Variants in TBC1D9B observed in about 807,000 individuals in gnomAD.
TBC1D9B encodes TBC1 domain family member 9B, also known as TBC1 domain family, member 9B (with GRAM domain).
In TBC1D9B, 87 loss-of-function variants were observed where a neutral mutation model predicts 121.1. That is an observed-to-expected ratio of 0.72 (90% CI 0.60 to 0.86). TBC1D9B has a LOEUF of 0.86. Among genes scored for constraint, TBC1D9B ranks in the 40% least tolerant of loss-of-function variants. TBC1D9B has a pLI of 0.00. For missense variants in TBC1D9B, 1,540 were observed against 1,628.6 expected (o/e 0.95, Z 0.94); for synonymous variants, 668 against 670.1 (o/e 1.00, Z 0.05).
chr5:179,868,078 C>A (rs1486349525), intron 17 of TBC1D9B: 1 of 383,364 alleles, frequency 2.6e-6, no homozygotes, highest in Non-Finnish European at 4.7e-6. Flanking sequence ...CACTTTATCA[C>A]CCATGCTGCA....
At chr5:179,900,310 A>G (rs561117334) in intron 2 of TBC1D9B, among the ~76,000 whole-genome samples, 1 of 152,306 alleles carries the variant, frequency 6.6e-6, no homozygotes, top group South Asian at 2.1e-4. Flanking sequence ...GCCCCGGGGG[A>G]AGAGCAAAGG....
intron 1 of TBC1D9B, among the ~76,000 whole-genome samples, chr5:179,905,979 A>G (rs1761299259): frequency 6.6e-6 from 1 of 152,212 alleles, no homozygotes. Context: ...TCCTGGGTTC[A>G]AGCGATTCTC....
At chr5:179,876,060 G>A (rs1760352622) in intron 10 of TBC1D9B, 23 bp from the exon 11 acceptor site, 2 of 1,605,156 alleles carry the variant, frequency 1.2e-6, no homozygotes, top group Admixed American at 1.7e-5. Context: ...GAGACAGCCG[G>A]GGAAGGCTTG....
intron 4 of TBC1D9B, 46 bp downstream of exon 4, chr5:179,894,340 G>A (rs1760956790): frequency 6.5e-7 from 1 of 1,538,762 alleles, no homozygotes; most frequent in Non-Finnish European, 8.8e-7. Flanking sequence ...AAGGCAGGGA[G>A]GGGCTGAGGG....
chr5:179,906,503 G>A, intron 1 of TBC1D9B, among the ~76,000 whole-genome samples: 1 of 151,222 alleles, frequency 6.6e-6, no homozygotes, highest in African/African-American at 2.5e-5. Context: ...ACACTGGCGC[G>A]CTGATGACAC....
At chr5:179,878,062 G>A (rs1166201704) in intron 10 of TBC1D9B, among the ~76,000 whole-genome samples, 1 of 152,220 alleles carries the variant, frequency 6.6e-6, no homozygotes, top group Non-Finnish European at 1.5e-5. Context: ...GTATGTGCCT[G>A]TTTCACCAAA....
At chr5:179,876,568 T>C (rs1175469770) in intron 10 of TBC1D9B, among the ~76,000 whole-genome samples, 1 of 152,192 alleles carries the variant, frequency 6.6e-6, no homozygotes, top group Admixed American at 6.5e-5. Flanking sequence ...CCATATGACT[T>C]GGCCAGGAAA....
rs1452587604 is a variant in TBC1D9B, at chr5:179,870,287, A to G, written c.2693T>C (p.Leu898Pro). ...TGTCACGAACTCCTTGAAGTTGATC[A>G]GCGAGTCCTTGTTTTCGTCCAGGAG... ...FRLLDENKDS[L>P]INFKEFVTGM... The change falls in exon 16 of 21, where the codon CTG becomes CCG. Residue 898 changes from leucine (L) to proline (P), a missense_variant. By Grantham distance (98) the Leu-to-Pro change is moderately conservative (BLOSUM62 -3). Transcript: ENST00000355235. 1.2e-6 allele frequency: 2 copies of G among 1,613,902 alleles called. No homozygotes were observed. Among genetic ancestry groups the G allele is most frequent in the Non-Finnish European group, 1.7e-6 (2 of 1,180,020 alleles).
At chr5:179,889,716 T>TA (rs1430085112) in intron 6 of TBC1D9B, among the ~76,000 whole-genome samples, 14 of 150,076 alleles carry the variant, frequency 9.3e-5, no homozygotes, top group South Asian at 2.1e-4. Flanking sequence ...TGTTAAAAAT[T>TA]TAAAAAAAAC....
chr5:179,880,592 T>G (rs1179022477), intron 7 of TBC1D9B, among the ~76,000 whole-genome samples: 1 of 152,222 alleles, frequency 6.6e-6, no homozygotes, highest in African/African-American at 2.4e-5. Context: ...ATTCTGTGTT[T>G]TTTTGAGAGA....
intron 10 of TBC1D9B, among the ~76,000 whole-genome samples, 185 bp downstream of exon 10, chr5:179,878,124 C>T (rs1013490539): frequency 1.3e-5 from 2 of 152,238 alleles, no homozygotes; most frequent in Admixed American, 6.5e-5. Flanking sequence ...ACAAAGACGA[C>T]GACTTCTATT....
Position 179,885,777 on chromosome 5 carries a change from G to A in TBC1D9B, c.1254+2326C>T, listed in dbSNP as rs1247578318. ...CCTCTAATCCACTGTCAACATGGAC[G>A]GCCACAGTAACCCCATTAACACGTA... On this transcript the variant is annotated intron_variant, in intron 7 of 20. Transcript: ENST00000355235. The surrounding 1 kb of genome is among the most constrained non-coding windows in gnomAD (Gnocchi z 4.5). Among the ~76,000 whole-genome samples the A allele has an allele frequency of 1.3e-5, 2 of 152,090 alleles. No individual in the cohort carries two copies. The highest frequency in any genetic ancestry group is 2.4e-5 in the African/African-American group (1 of 41,406).
chr5:179,874,784 T>C lies in TBC1D9B; in HGVS notation c.2186+118A>G. 4 of 1,452,040 alleles carry C rather than the reference T, an allele frequency of 2.8e-6. No homozygotes were observed. Among genetic ancestry groups the C allele is most frequent in the Non-Finnish European group, 3.7e-6 (4 of 1,086,456 alleles). 89.9% of individuals were successfully genotyped at this position (1,452,040 alleles called of 1,614,324 possible). A position where few individuals can be genotyped will look rare whatever the true frequency, so the allele number is the denominator to read the frequency against. ...CTCCTGACCCCAGAGCACCCCCGGG[T>C]CCAGCTGCAGCCTGGCACTTGGTGG... On this transcript the variant is annotated intron_variant, in intron 12 of 20. Transcript: ENST00000355235. This position sits in a 1 kb window ranked among gnomAD's most constrained non-coding sequence, Gnocchi z 4.3.
chr5:179,886,206 G>C (rs1760680055), intron 7 of TBC1D9B, among the ~76,000 whole-genome samples: 1 of 152,150 alleles, frequency 6.6e-6, no homozygotes, highest in African/African-American at 2.4e-5. Flanking sequence ...ATCACTGCCT[G>C]ACATATTGTA....
At position 179,893,220 on chromosome 5, in the gene TBC1D9B, T is replaced by A. The variant is rs1397098772; in HGVS notation, c.825A>T (p.Ser275=). The part of the protein sequence containing the change: ...PRPIRPHRNI[S]ALKRDLDARA... The stretch of plus-strand genomic sequence containing the variant: ...GGAGGGCAACGCACCGCTTCAGGGC[T>A]GAGATGTTCCTGTGTGGCCGGATGG... Residue 275 remains serine (S), a synonymous_variant, in exon 5 of 21, where the codon TCA becomes TCT. Coordinates refer to ENST00000355235, the MANE Select transcript of TBC1D9B (RefSeq NM_015043.4). 1.2e-6 allele frequency: 2 copies of A among 1,610,000 alleles called. No individual in the cohort carries two copies. Among genetic ancestry groups the A allele is most frequent in the Non-Finnish European group, 1.7e-6 (2 of 1,178,474 alleles).
chr5:179,871,515 C>T lies in TBC1D9B; in HGVS notation c.2431G>A (p.Val811Met), dbSNP rs1760197771. 3 of 1,613,012 alleles carry T rather than the reference C, an allele frequency of 1.9e-6. No homozygotes were observed. The highest frequency in any genetic ancestry group is 8.5e-7 in the Non-Finnish European group (1 of 1,179,608). ...TCTTCAATGGAGAAACCAATGTCCACAGGTATAGCTCGGACCTAGAAGGAA... is the reference window on the plus strand; with the variant it reads ...TCTTCAATGGAGAAACCAATGTCCATAGGTATAGCTCGGACCTAGAAGGAA... ...AKRSVVRAIPVDIGFSIEELE... is the reference protein window; with the variant it reads ...AKRSVVRAIPMDIGFSIEELE... The change falls in exon 15 of 21, where the codon GTG (valine) becomes ATG (methionine). Residue 811 changes from valine (V) to methionine (M), a missense_variant. Transcript: ENST00000355235.
chr5:179,872,549 C>T (rs531479057), intron 14 of TBC1D9B: 30 of 319,944 alleles, frequency 9.4e-5, no homozygotes, highest in East Asian at 4.4e-4. Context: ...TTGGGGTGTG[C>T]GGAGGATGGC....
chr5:179,889,319 C>T lies in TBC1D9B; in HGVS notation c.1045-1007G>A, dbSNP rs1277249454. 5.9e-5 allele frequency among the ~76,000 whole-genome samples: 9 copies of T among 152,192 alleles called. No individual in the cohort carries two copies. The South Asian group carries it at 8.3e-4, about 14-fold the overall frequency. On this transcript the variant is annotated intron_variant, in intron 6 of 20. Transcript: ENST00000355235. ...CTGGGATTACAGGCGTGAGCCACCG[C>T]GCCCAGTCTGAGTGTGCACTTTTTA...
rs555841100 is a variant in TBC1D9B at position 179,865,696 on chromosome 5, C to T, written c.2914+142G>A. On this transcript the variant is annotated intron_variant, in intron 19 of 20. Coordinates refer to ENST00000355235, the MANE Select transcript of TBC1D9B (RefSeq NM_015043.4). The surrounding 1 kb of genome is among the most constrained non-coding windows in gnomAD (Gnocchi z 5.1). ...AGAGCGTGGAGCCTCCTGTGCATCC[C>T]GAGGCCTGCTCCCTGATCGGGGGAC... The T allele has an allele frequency of 6.0e-4, 581 of 964,130 alleles. 9 individuals are homozygous for T. Among genetic ancestry groups the T allele is most frequent in the Middle Eastern group, 6.3e-4 (2 of 3,176 alleles). 59.7% of individuals were successfully genotyped at this position (964,130 alleles called of 1,614,324 possible).
Sources: allele counts gnomAD v4.1 joint callset (sites outside exome capture counted in the v4.1 genomes callset), GRCh38; gene constraint gnomAD v4.1.1; non-coding constraint Gnocchi (gnomAD v3.1); transcripts MANE v1.5; gene names NCBI Gene and HGNC (gene_info 2026-07-23, HGNC 2026-07-21).